DDR2: variants seen among roughly 807,000 people sequenced by gnomAD.
DDR2 encodes discoidin domain-containing receptor 2.
In DDR2, 27 loss-of-function variants were observed where a neutral mutation model predicts 94.9. That is an observed-to-expected ratio of 0.28 (90% CI 0.21 to 0.39). The LOEUF (loss-of-function observed/expected upper bound fraction) is 0.39, where lower values mean the gene tolerates loss of function less well. Ranked by LOEUF, DDR2 falls within the 10% of genes least tolerant of loss-of-function variation. The probability of loss-of-function intolerance (pLI) is 1.00; values close to 1 mark genes in which losing one functional copy is unlikely to be tolerated. For synonymous variants in DDR2, 382 were observed against 377.2 expected, an observed-to-expected ratio of 1.01 and a Z score of -0.15; for missense variants, 783 against 1,076.0, an observed-to-expected ratio of 0.73 and a Z score of 3.81.
intron 2 of DDR2, among the ~76,000 whole-genome samples, chr1:162,717,910 G>A (rs1430962462): frequency 6.6e-6 from 1 of 152,076 alleles, no homozygotes; most frequent in African/African-American, 2.4e-5. Flanking sequence ...TGTACTTCTT[G>A]GGACAAAGTA....
chr1:162,649,827 C>G (rs1325738366), intron 1 of DDR2, among the ~76,000 whole-genome samples: 1 of 152,242 alleles, frequency 6.6e-6, no homozygotes, highest in Non-Finnish European at 1.5e-5. Context: ...CTAAGCAACA[C>G]TAATTCCCAA....
chr1:162,775,750 T>C lies in DDR2; in HGVS notation c.1955T>C (p.Met652Thr). 1 of 1,614,164 alleles carries C rather than the reference T, an allele frequency of 6.2e-7. No homozygotes were observed. Among genetic ancestry groups the C allele is most frequent in the Non-Finnish European group, 8.5e-7 (1 of 1,180,018 alleles). Reference sequence around the variant, plus strand: ...TGTATCACTGATGACCCTCTCTGTATGATCACTGAATACATGGAGAATGGA... The same window carrying C: ...TGTATCACTGATGACCCTCTCTGTACGATCACTGAATACATGGAGAATGGA... ...AVCITDDPLC[M>T]ITEYMENGDL... is the part of the protein sequence containing the mutation. The change falls in exon 15 of 18, where the codon ATG becomes ACG. Residue 652 changes from methionine to threonine, a missense_variant. By Grantham distance (81) the Met-to-Thr change is moderately conservative. This residue lies in a region of DDR2 where 264 missense variants were observed against 428.2 expected (regional missense o/e 0.62). Coordinates refer to ENST00000367921, the MANE Select transcript of DDR2 (RefSeq NM_006182.4).
chr1:162,664,169 C>CT (rs945136308), intron 2 of DDR2, among the ~76,000 whole-genome samples: 2 of 151,894 alleles, frequency 1.3e-5, no homozygotes, highest in African/African-American at 2.4e-5. Context: ...TTTATGAAGA[C>CT]TTTTTTTGCC....
At chr1:162,635,994 A>T (rs1656796753) in intron 1 of DDR2, among the ~76,000 whole-genome samples, 1 of 152,228 alleles carries the variant, frequency 6.6e-6, no homozygotes, top group South Asian at 2.1e-4. Flanking sequence ...GATACCTGTC[A>T]AGGATATTTA....
chr1:162,700,721 T>A (rs1454549881), intron 2 of DDR2, among the ~76,000 whole-genome samples: 3 of 152,134 alleles, frequency 2.0e-5, no homozygotes, highest in African/African-American at 7.2e-5. Flanking sequence ...CTATTGGGAT[T>A]TGGGGTCACA....
chr1:162,737,121 T>A (rs1298073521), intron 3 of DDR2, among the ~76,000 whole-genome samples: 2 of 151,248 alleles, frequency 1.3e-5, no homozygotes, highest in Non-Finnish European at 2.9e-5. Flanking sequence ...TCTTTTTTTT[T>A]ATTACAGTTT....
chr1:162,764,780 T>C lies in DDR2; in HGVS notation c.1100-1221T>C, dbSNP rs1028944467. Among the ~76,000 whole-genome samples the C allele has an allele frequency of 1.2e-4, 18 of 150,434 alleles. 1 individual carries two copies. The highest frequency in any genetic ancestry group is 3.0e-5 in the Non-Finnish European group (2 of 67,764). ...AGGCAGAGCTTGCAGTGGGTCGAGA[T>C]TGCACCACTGCACTCCAGCCTGGGT... On this transcript the variant is annotated intron_variant, in intron 9 of 17. Coordinates refer to ENST00000367921, the MANE Select transcript of DDR2 (RefSeq NM_006182.4).
At chr1:162,751,244 C>G (rs181602687) in intron 3 of DDR2, among the ~76,000 whole-genome samples, 17 of 152,056 alleles carry the variant, frequency 1.1e-4, no homozygotes, top group Non-Finnish European at 1.3e-4. Flanking sequence ...TGCAATGTAC[C>G]CATCTGACAA....
chr1:162,657,939 AT>A (rs1332787611), intron 2 of DDR2, among the ~76,000 whole-genome samples: 4 of 150,332 alleles, frequency 2.7e-5, no homozygotes, highest in African/African-American at 9.8e-5. Context: ...TTCTCTTTCC[AT>A]CGCCTTCTCT....
chr1:162,692,715 A>G (rs992166758), intron 2 of DDR2, among the ~76,000 whole-genome samples: 1 of 152,262 alleles, frequency 6.6e-6, no homozygotes, highest in African/African-American at 2.4e-5. Flanking sequence ...GGTATAACCT[A>G]TTTGAAAAAC....
chr1:162,718,401 C>T (rs530306918), intron 2 of DDR2, among the ~76,000 whole-genome samples: 16 of 152,302 alleles, frequency 1.1e-4, no homozygotes, highest in African/African-American at 3.8e-4. Context: ...GCGGATGGAA[C>T]ATATGTGTGT....
At chr1:162,686,864 C>T (rs1032387331) in intron 2 of DDR2, among the ~76,000 whole-genome samples, 1 of 152,226 alleles carries the variant, frequency 6.6e-6, no homozygotes, top group Non-Finnish European at 1.5e-5. Flanking sequence ...AGGCATGAGC[C>T]ACCACGCCTG....
intron 17 of DDR2, among the ~76,000 whole-genome samples, chr1:162,779,121 A>G (rs989751298): frequency 2.0e-5 from 3 of 152,208 alleles, no homozygotes; most frequent in African/African-American, 7.2e-5. Flanking sequence ...TTAGTATAAG[A>G]AATGGGGTTG....
At chr1:162,767,019 A>T (rs1416017940) in intron 10 of DDR2, among the ~76,000 whole-genome samples, 1 of 117,452 alleles carries the variant, frequency 8.5e-6, no homozygotes, top group East Asian at 2.4e-4. Flanking sequence ...ACAGAACAAG[A>T]CTCTATCTCA....
At position 162,783,411 on chromosome 1, in the gene DDR2, G is replaced by A. The variant is rs1160206642; in HGVS notation, c.*3165G>A. 1.3e-5 allele frequency: 2 copies of A among 152,088 alleles called. No individual in the cohort carries two copies. The highest frequency in any genetic ancestry group is 4.8e-5 in the African/African-American group (2 of 41,418). 9.4% of individuals were successfully genotyped at this position (152,088 alleles called of 1,614,324 possible). The stretch of plus-strand genomic sequence containing the variant: ...AGTGGGGTGAAAAAAAAGGATACGT[G>A]AATGTGCATATGACTGAATAGGGAG... On this transcript the variant is annotated 3_prime_UTR_variant, in exon 18 of 18. Coordinates refer to ENST00000367921, the MANE Select transcript of DDR2 (RefSeq NM_006182.4).
At chr1:162,668,762 G>C (rs374141679) in intron 2 of DDR2, among the ~76,000 whole-genome samples, 1 of 152,146 alleles carries the variant, frequency 6.6e-6, no homozygotes, top group African/African-American at 2.4e-5. Context: ...TTTCAAATAA[G>C]ATTACATTCC....
chr1:162,755,109 G>C, intron 5 of DDR2, 47 bp from the exon 6 acceptor site: 1 of 1,613,126 alleles, frequency 6.2e-7, no homozygotes, highest in Non-Finnish European at 8.5e-7. Flanking sequence ...AGAAAAGTGA[G>C]CATGATTTAA....
chr1:162,751,691 T>C (rs960109427), intron 3 of DDR2, among the ~76,000 whole-genome samples: 6 of 152,220 alleles, frequency 3.9e-5, no homozygotes, highest in African/African-American at 1.2e-4. Context: ...TAAAGACACA[T>C]GCACATGTAT....
In DDR2 at chr1:162,719,203, C is replaced by G. The variant is rs1571238719; in HGVS notation, c.82+58C>G. ...AGACCAGCAGAATGTTTAAACCCATCAATGTTCAATGGTGGGTCTAAAAGC... is the reference window on the plus strand; with the variant it reads ...AGACCAGCAGAATGTTTAAACCCATGAATGTTCAATGGTGGGTCTAAAAGC... On this transcript the variant is annotated intron_variant, in intron 3 of 17. Transcript: ENST00000367921. 7.6e-5 allele frequency: 122 copies of G among 1,611,940 alleles called. 1 individual carries two copies. The East Asian group carries it at 2.3e-3, about 31-fold the overall frequency.
Sources: allele counts gnomAD v4.1 joint callset (sites outside exome capture counted in the v4.1 genomes callset), GRCh38; gene constraint gnomAD v4.1.1; regional missense constraint gnomAD v4.1.1; transcripts MANE v1.5; gene names NCBI Gene and HGNC (gene_info 2026-07-23, HGNC 2026-07-21).